The following KIF21A variants were observed in gnomAD, a reference collection of about 807,000 sequenced individuals.
The protein encoded by KIF21A is kinesin family member 21A, also known as kinesin-like protein KIF21A.
A neutral mutation model predicts 202.9 loss-of-function variants in KIF21A; 114 were observed. The observed-to-expected ratio is 0.56, with a 90% CI of 0.48 to 0.66. The LOEUF (loss-of-function observed/expected upper bound fraction) is 0.66, where lower values mean the gene tolerates loss of function less well. Among genes scored for constraint, KIF21A ranks in the 30% least tolerant of loss-of-function variants. KIF21A has a pLI of 0.00. For missense variants in KIF21A, 1,677 were observed against 1,994.9 expected (o/e 0.84, Z 3.04); for synonymous variants, 667 against 670.8 (o/e 0.99, Z 0.09).
chr12:39,337,274 G>A (rs1947062440), intron 16 of KIF21A, 71 bp from the exon 17 acceptor site: 1 of 965,878 alleles, frequency 1.0e-6, no homozygotes, highest in Admixed American at 1.7e-5. Flanking sequence ...CCACATATAT[G>A]GAAGTAAGTT....
intron 35 of KIF21A, 108 bp from the exon 36 acceptor site, chr12:39,303,243 G>T: frequency 1.1e-6 from 1 of 882,890 alleles, no homozygotes; most frequent in Non-Finnish European, 1.8e-6. Flanking sequence ...GACATGACTT[G>T]TTTTGTTATC....
chr12:39,421,369 T>A (rs1954240893), intron 1 of KIF21A, among the ~76,000 whole-genome samples: 1 of 152,120 alleles, frequency 6.6e-6, no homozygotes, highest in African/African-American at 2.4e-5. Context: ...AAGCAAAACA[T>A]GACTGTAATA....
At chr12:39,403,745 ATTATT>A (rs1003533395) in intron 1 of KIF21A, among the ~76,000 whole-genome samples, 1 of 152,246 alleles carries the variant, frequency 6.6e-6, no homozygotes, top group African/African-American at 2.4e-5. Flanking sequence ...ATGAGAACTC[ATTATT>A]TTAACTTTCA....
Position 39,341,603 on chromosome 12 carries a change from C to T in KIF21A, c.1823G>A (p.Ser608Asn), listed in dbSNP as rs1448482009. The change falls in exon 14 of 38, where the codon AGT (serine) becomes AAT (asparagine). Residue 608 changes from serine (S) to asparagine (N), a missense_variant. Physicochemically the swap from Ser to Asn is conservative, Grantham distance 46. Transcript: ENST00000361418. ...ELEVEESQEV[S>N]DHEDEEEEEE... ...CTCCTCTTCTTCATCCTCATGATCACTCACTTCTTGACTTTCTTCCTAAAA... is the reference window on the plus strand; with the variant it reads ...CTCCTCTTCTTCATCCTCATGATCATTCACTTCTTGACTTTCTTCCTAAAA... 7 of 1,610,040 alleles carry T rather than the reference C, an allele frequency of 4.3e-6. No homozygotes were observed. Among genetic ancestry groups the T allele is most frequent in the South Asian group, 1.1e-5 (1 of 90,906 alleles).
At chr12:39,305,065 G>A (rs899579483) in intron 34 of KIF21A, 127 bp from the exon 35 acceptor site, 67 of 619,596 alleles carry the variant, frequency 1.1e-4, no homozygotes, top group Middle Eastern at 4.4e-4. Flanking sequence ...CTTTGTATAT[G>A]TTTAGAGATG....
At chr12:39,308,177 G>T (rs572809074) in intron 33 of KIF21A, among the ~76,000 whole-genome samples, 1 of 152,060 alleles carries the variant, frequency 6.6e-6, no homozygotes, top group South Asian at 2.1e-4. Flanking sequence ...AGTCCAGCCT[G>T]GCCAACATGG....
intron 1 of KIF21A, among the ~76,000 whole-genome samples, chr12:39,436,523 C>T (rs1938804947): frequency 7.0e-6 from 1 of 143,206 alleles, no homozygotes; most frequent in Non-Finnish European, 1.5e-5. Flanking sequence ...GTGATCACAG[C>T]ACACTGCAGC....
intron 1 of KIF21A, among the ~76,000 whole-genome samples, chr12:39,378,537 T>C (rs566552652): frequency 6.6e-6 from 1 of 151,214 alleles, no homozygotes; most frequent in South Asian, 2.1e-4. Flanking sequence ...GGGGAGGGAG[T>C]ACTTCAAATG....
At chr12:39,302,251 A>T (rs552371463) in intron 36 of KIF21A, among the ~76,000 whole-genome samples, 5 of 152,272 alleles carry the variant, frequency 3.3e-5, no homozygotes, top group African/African-American at 1.2e-4. Flanking sequence ...ATGTATGTTT[A>T]TTTTTAAAAA....
At chr12:39,326,971 T>C (rs957828832) in intron 24 of KIF21A, among the ~76,000 whole-genome samples, 6 of 152,074 alleles carry the variant, frequency 3.9e-5, no homozygotes, top group African/African-American at 1.4e-4. Context: ...ACAACTGTAG[T>C]AGACTAGTGA....
chr12:39,330,542 T>G (rs17127032), intron 23 of KIF21A, among the ~76,000 whole-genome samples: 2,628 of 152,304 alleles, frequency 0.017, 72 homozygotes, highest in African/African-American at 0.059. Context: ...GTAAGCCATT[T>G]TAAGTTGGTA....
At chr12:39,404,067 C>A (rs563880245) in intron 1 of KIF21A, among the ~76,000 whole-genome samples, 7 of 152,228 alleles carry the variant, frequency 4.6e-5, no homozygotes, top group African/African-American at 1.4e-4. Flanking sequence ...CCAGGAGATT[C>A]TTTTTTATTT....
At chr12:39,319,115 A>C (rs1052277376) in intron 28 of KIF21A, among the ~76,000 whole-genome samples, 30 of 152,218 alleles carry the variant, frequency 2.0e-4, no homozygotes, top group African/African-American at 7.0e-4. Context: ...ATAAATGAAC[A>C]CTTCTTTTTA....
At chr12:39,353,269 C>T (rs61937871) in intron 10 of KIF21A, among the ~76,000 whole-genome samples, 4,199 of 152,202 alleles carry the variant, frequency 0.028, 78 homozygotes, top group Non-Finnish European at 0.04. Context: ...AAGTGATCCT[C>T]CCACCTCAGC....
At chr12:39,346,209 A>G (rs1565887034) in intron 12 of KIF21A, among the ~76,000 whole-genome samples, 1 of 152,080 alleles carries the variant, frequency 6.6e-6, no homozygotes, top group Non-Finnish European at 1.5e-5. Flanking sequence ...CATCATAATT[A>G]TCATAGTTTA....
At chr12:39,300,077 C>T (rs1942823299) in intron 37 of KIF21A, among the ~76,000 whole-genome samples, 1 of 151,974 alleles carries the variant, frequency 6.6e-6, no homozygotes, top group African/African-American at 2.4e-5. Context: ...ATATAAAAAA[C>T]CAGCACATGT....
intron 32 of KIF21A, 48 bp from the exon 33 acceptor site, chr12:39,309,814 T>C (rs1037920011): frequency 2.8e-6 from 4 of 1,446,504 alleles, no homozygotes; most frequent in Non-Finnish European, 3.8e-6. Context: ...TATGAACTAC[T>C]TTAGGTTCTC....
At chr12:39,333,460 A>T (rs987855269) in intron 17 of KIF21A, among the ~76,000 whole-genome samples, 180 bp from the exon 18 acceptor site, 4 of 152,202 alleles carry the variant, frequency 2.6e-5, no homozygotes, top group African/African-American at 4.8e-5. Context: ...AACACAAATA[A>T]ATACAGATAT....
chr12:39,325,919 C>T, intron 25 of KIF21A, 26 bp from the exon 26 acceptor site: 2 of 1,584,968 alleles, frequency 1.3e-6, no homozygotes, highest in South Asian at 1.1e-5. Context: ...TAATTAAGCA[C>T]AAGATTAAAT....
Sources: gnomAD v4.1 joint callset for allele counts (sites outside exome capture counted in the v4.1 genomes callset) on GRCh38, gnomAD v4.1.1 for gene constraint, MANE v1.5 for transcripts, NCBI Gene and HGNC (gene_info 2026-07-23, HGNC 2026-07-21) for gene names.